Variants in RARG observed in about 807,000 individuals in gnomAD.
RARG encodes the protein RAR-gamma.
In RARG, 17 loss-of-function variants were observed where a neutral mutation model predicts 43.7. That is an observed-to-expected ratio of 0.39 (90% CI 0.27 to 0.58). RARG has a LOEUF of 0.58. Ranked by LOEUF, RARG falls within the 20% of genes least tolerant of loss-of-function variation. The pLI, the probability that RARG is intolerant of heterozygous loss-of-function variation, is 0.57. For synonymous variants in RARG, 238 were observed against 236.4 expected (o/e 1.01, Z -0.06); for missense variants, 346 against 598.7 (o/e 0.58, Z 4.40).
At chr12:53,216,945 T>C (rs1942789191) in intron 3 of RARG, among the ~76,000 whole-genome samples, 1 of 151,824 alleles carries the variant, frequency 6.6e-6, no homozygotes, top group Admixed American at 6.6e-5. Context: ...GGGCCCAAGT[T>C]AATGCAAAAA....
At chr12:53,217,385 T>C (rs950214356) in intron 3 of RARG, among the ~76,000 whole-genome samples, 1 of 152,232 alleles carries the variant, frequency 6.6e-6, no homozygotes, top group African/African-American at 2.4e-5. Flanking sequence ...GCCCAAGGCC[T>C]GTGCGTGGGG....
Position 53,213,709 on chromosome 12 carries a change from G to C in RARG, c.814-9C>G, listed in dbSNP as rs180695718. On this transcript the variant is annotated splice_polypyrimidine_tract_variant and intron_variant, in intron 7 of 9. Transcript: ENST00000425354. This position sits in a 1 kb window ranked among gnomAD's most constrained non-coding sequence, Gnocchi z 4.7. ...GTGCAGATACGCAGCATCTGGAGGTGGGGGGTGGAGGAGGGTTAGTGCTGT... is the reference window on the plus strand; with the variant it reads ...GTGCAGATACGCAGCATCTGGAGGTCGGGGGTGGAGGAGGGTTAGTGCTGT... The C allele has an allele frequency of 1.6e-5, 26 of 1,602,636 alleles. No homozygotes were observed. In the East Asian group the frequency reaches 4.0e-4, roughly 25 times the overall value.
chr12:53,216,852 G>A (rs1044661956), intron 3 of RARG, among the ~76,000 whole-genome samples: 28 of 120,640 alleles, frequency 2.3e-4, no homozygotes, highest in African/African-American at 5.0e-4. Context: ...GCGCGCGCGC[G>A]CGCGCGCGCG....
intron 3 of RARG, among the ~76,000 whole-genome samples, chr12:53,223,419 G>A (rs1943027246): frequency 6.6e-6 from 1 of 151,466 alleles, no homozygotes; most frequent in Non-Finnish European, 1.5e-5. Context: ...CCAAAGCAGG[G>A]ATGTGAGGCG....
rs1942637699 is a variant in RARG at position 53,212,753 on chromosome 12, C to CAT, written c.1177+331_1177+332insAT. On this transcript the variant is annotated intron_variant, in intron 9 of 9. Transcript: ENST00000425354. ...ATATATATATACACACACACACACA[C>CAT]ACACACACACACACACACACACACA... Among the ~76,000 whole-genome samples, 3 of 150,886 alleles carry CAT rather than the reference C, an allele frequency of 2.0e-5. No individual in the cohort carries two copies. The East Asian group carries it at 5.8e-4, about 29-fold the overall frequency.
chr12:53,223,193 G>A (rs1170082665), intron 3 of RARG, among the ~76,000 whole-genome samples: 2 of 152,166 alleles, frequency 1.3e-5, no homozygotes, highest in African/African-American at 4.8e-5. Flanking sequence ...GGGGCTTGAG[G>A]ATAACTGGCT....
Position 53,215,548 on chromosome 12 carries a change from C to T in RARG, c.333+98G>A. The T allele has an allele frequency of 6.3e-7, 1 of 1,583,978 alleles. No individual in the cohort carries two copies. The highest frequency in any genetic ancestry group is 8.6e-7 in the Non-Finnish European group (1 of 1,160,198). ...ACCTAATCTATTAACCACCTATGTG[C>T]AAAGCAGTGCTGCTCAGACACAGCA... On this transcript the variant is annotated intron_variant, in intron 4 of 9. Coordinates refer to ENST00000425354, the MANE Select transcript of RARG (RefSeq NM_000966.6). This position sits in a 1 kb window ranked among gnomAD's most constrained non-coding sequence, Gnocchi z 6.4.
At chr12:53,220,253 G>T in intron 3 of RARG, 1 of 1,198,888 alleles carries the variant, frequency 8.3e-7, no homozygotes, top group Non-Finnish European at 1.1e-6. Flanking sequence ...GGGTGGGCGG[G>T]GAAGAGGGGG....
chr12:53,220,389 CTGGAGGGGTGGGGGGTGGGG>C, intron 3 of RARG: 1 of 996,322 alleles, frequency 1.0e-6, no homozygotes, highest in Non-Finnish European at 1.2e-6. Context: ...AAAGCGAAGC[CTGGAGGGGTGGGGGGTGGGG>C]CTTGGAGAGC....
At position 53,216,591 on chromosome 12, in the gene RARG, G is replaced by A. The variant is rs116493821; in HGVS notation, c.185-797C>T. Among the ~76,000 whole-genome samples, 364 of 152,306 alleles carry A rather than the reference G, an allele frequency of 2.4e-3. 2 individuals carry two copies. The highest frequency in any genetic ancestry group is 8.0e-3 in the African/African-American group (331 of 41,552). ...GAGTCAGAGAAGCTGGGGAAGCAGA[G>A]GCTGAGGTGTTTGCTCAGTTTCTCA... On this transcript the variant is annotated intron_variant, in intron 3 of 9. Coordinates refer to ENST00000425354, the MANE Select transcript of RARG (RefSeq NM_000966.6).
chr12:53,226,318 G>C (rs1457009161), intron 3 of RARG, among the ~76,000 whole-genome samples: 1 of 149,224 alleles, frequency 6.7e-6, no homozygotes, highest in Non-Finnish European at 1.5e-5. Flanking sequence ...GTAATGATGG[G>C]GTTTCTTTTT....
chr12:53,224,463 T>C (rs1036132475), intron 3 of RARG, among the ~76,000 whole-genome samples: 1 of 152,142 alleles, frequency 6.6e-6, no homozygotes, highest in Non-Finnish European at 1.5e-5. Flanking sequence ...ACAAACTCAA[T>C]GTGAGTATGC....
intron 3 of RARG, among the ~76,000 whole-genome samples, chr12:53,216,311 C>T (rs535805609): frequency 7.2e-5 from 11 of 152,170 alleles, no homozygotes; most frequent in Non-Finnish European, 1.5e-4. Flanking sequence ...GGCCAAATGA[C>T]CTGCTGGGAT....
Position 53,215,798 on chromosome 12 carries a change from G to A in RARG, c.185-4C>T, listed in dbSNP as rs765121681. 1 of 1,597,650 alleles carries A rather than the reference G, an allele frequency of 6.3e-7. No individual in the cohort carries two copies. ...CTGGTGCTCTGTGTCTCCACCGCTG[G>A]GAGGGAAGCAGTGATGTGAGGGTCA... On this transcript the variant is annotated splice_region_variant and splice_polypyrimidine_tract_variant and intron_variant, in intron 3 of 9. Coordinates refer to ENST00000425354, the MANE Select transcript of RARG (RefSeq NM_000966.6). The surrounding 1 kb of genome is among the most constrained non-coding windows in gnomAD (Gnocchi z 6.4).
At position 53,215,550 on chromosome 12, in the gene RARG, A is replaced by C. The variant is rs1213324049; in HGVS notation, c.333+96T>G. The C allele has an allele frequency of 1.3e-6, 2 of 1,584,220 alleles. No individual in the cohort carries two copies. The highest frequency in any genetic ancestry group is 4.5e-5 in the East Asian group (2 of 44,632). On this transcript the variant is annotated intron_variant, in intron 4 of 9. Coordinates refer to ENST00000425354, the MANE Select transcript of RARG (RefSeq NM_000966.6). This position sits in a 1 kb window ranked among gnomAD's most constrained non-coding sequence, Gnocchi z 6.4. ...CTAATCTATTAACCACCTATGTGCA[A>C]AGCAGTGCTGCTCAGACACAGCATC...
Position 53,213,069 on chromosome 12 carries a change from C to T in RARG, c.1177+16G>A, listed in dbSNP as rs373518494. 1.9e-6 allele frequency: 3 copies of T among 1,600,922 alleles called. No individual in the cohort carries two copies. Among genetic ancestry groups the T allele is most frequent in the Admixed American group, 1.7e-5 (1 of 58,652 alleles). Reference sequence around the variant, plus strand: ...GCCCTGGGAAGACAGAGAGGGGACACCCACTCATGACTCACCCTTAGTGCT... The same window carrying T: ...GCCCTGGGAAGACAGAGAGGGGACATCCACTCATGACTCACCCTTAGTGCT... On this transcript the variant is annotated intron_variant, in intron 9 of 9. Coordinates refer to ENST00000425354, the MANE Select transcript of RARG (RefSeq NM_000966.6). This position sits in a 1 kb window ranked among gnomAD's most constrained non-coding sequence, Gnocchi z 4.7.
chr12:53,220,148 C>A lies in RARG; in HGVS notation c.185-4354G>T, dbSNP rs763752692. 2.9e-4 allele frequency: 447 copies of A among 1,549,778 alleles called. 2 individuals carry two copies. The highest frequency in any genetic ancestry group is 1.7e-4 in the Middle Eastern group (1 of 5,986). On this transcript the variant is annotated intron_variant, in intron 3 of 9. Transcript: ENST00000425354. ...CTGGGTGCTGGAAACACCAAGGACC[C>A]GCAGCCGATTCCCCCTCCTCCCCCG... is the stretch of plus-strand genomic sequence containing the variant.
At chr12:53,223,682 C>T (rs528185069) in intron 3 of RARG, among the ~76,000 whole-genome samples, 4 of 152,214 alleles carry the variant, frequency 2.6e-5, no homozygotes, top group Non-Finnish European at 4.4e-5. Flanking sequence ...TGCCCTTACC[C>T]GCCTGCTTGT....
chr12:53,220,722 T>C (rs1942933266), intron 3 of RARG, among the ~76,000 whole-genome samples: 1 of 152,152 alleles, frequency 6.6e-6, no homozygotes, highest in Admixed American at 6.5e-5. Flanking sequence ...AGGTCGGGGT[T>C]GGAAGAAGGA....
Sources: gnomAD v4.1 joint callset for allele counts (sites outside exome capture counted in the v4.1 genomes callset) on GRCh38, gnomAD v4.1.1 for gene constraint, Gnocchi (gnomAD v3.1) non-coding constraint, MANE v1.5 for transcripts, NCBI Gene and HGNC (gene_info 2026-07-23, HGNC 2026-07-21) for gene names.